The following MBNL1 variants were observed in gnomAD, a reference collection of about 807,000 sequenced individuals.
The protein encoded by MBNL1 is muscleblind like splicing regulator 1, also known as muscleblind-like protein 1.
In MBNL1, 8 loss-of-function variants were observed where a neutral mutation model predicts 42.2. The observed-to-expected ratio is 0.19, with a 90% CI of 0.11 to 0.34. The LOEUF (loss-of-function observed/expected upper bound fraction) is 0.34, where lower values mean the gene tolerates loss of function less well. Among genes scored for constraint, MBNL1 ranks in the 10% least tolerant of loss-of-function variants. The probability of loss-of-function intolerance (pLI) is 1.00; values close to 1 mark genes in which losing one functional copy is unlikely to be tolerated. For missense variants in MBNL1, 309 were observed against 495.3 expected (o/e 0.62, Z 3.57); for synonymous variants, 169 against 173.9 (o/e 0.97, Z 0.22).
chr3:152,406,542 T>G (rs1235693013), intron 2 of MBNL1, among the ~76,000 whole-genome samples: 2 of 152,202 alleles, frequency 1.3e-5, no homozygotes. Context: ...GCAGCTACTT[T>G]GACTCTCATG....
chr3:152,366,254 A>G (rs2096361033), intron 2 of MBNL1, among the ~76,000 whole-genome samples: 1 of 152,152 alleles, frequency 6.6e-6, no homozygotes, highest in African/African-American at 2.4e-5. Flanking sequence ...TTTAATTACC[A>G]TCAGAAGTGT....
intron 2 of MBNL1, among the ~76,000 whole-genome samples, chr3:152,307,678 A>G (rs1156765254): frequency 1.3e-5 from 2 of 152,216 alleles, no homozygotes; most frequent in African/African-American, 4.8e-5. Context: ...GGAGCCTCGT[A>G]ATCTGATTTC....
upstream of MBNL1, among the ~76,000 whole-genome samples, chr3:152,243,632 G>T (rs1201081535): frequency 6.6e-6 from 1 of 150,588 alleles, no homozygotes; most frequent in Non-Finnish European, 1.5e-5. Flanking sequence ...ATTAGCATTT[G>T]TGTCATACTT....
intron 2 of MBNL1, among the ~76,000 whole-genome samples, chr3:152,345,932 A>G (rs552429027): frequency 1.6e-3 from 236 of 152,248 alleles, no homozygotes; most frequent in African/African-American, 5.4e-3. Context: ...ACAGTGTTCA[A>G]TAGGCTGGAT....
chr3:152,426,461 G>T (rs1022345592), intron 3 of MBNL1, among the ~76,000 whole-genome samples: 3 of 152,078 alleles, frequency 2.0e-5, no homozygotes, highest in Non-Finnish European at 4.4e-5. Flanking sequence ...TGAAAAATTG[G>T]TACATAATTT....
At chr3:152,447,405 T>G (rs780309292) in intron 5 of MBNL1, among the ~76,000 whole-genome samples, 9 of 151,748 alleles carry the variant, frequency 5.9e-5, no homozygotes, top group Non-Finnish European at 8.8e-5. Flanking sequence ...GATTTTGTTT[T>G]GGACAAAAAT....
Position 152,456,358 on chromosome 3 carries a change from C to G in MBNL1, c.1089C>G (p.Asn363Lys). The G allele has an allele frequency of 6.2e-7, 1 of 1,613,612 alleles. No individual in the cohort carries two copies. The highest frequency in any genetic ancestry group is 8.5e-7 in the Non-Finnish European group (1 of 1,179,560). The change falls in exon 8 of 10, where the codon AAC (asparagine) becomes AAG (lysine). Residue 363 changes from asparagine to lysine, a missense_variant. By Grantham distance (94) the Asn-to-Lys change is moderately conservative. Transcript: ENST00000324210. Reference protein sequence around the residue: ...SVPFAATATANQIPIISAEHL... With the variant: ...SVPFAATATAKQIPIISAEHL... ...CCTTCGCTGCAACAGCCACAGCCAACCAGGTTTGCTAATTTACAGCTTTGT... is the reference window on the plus strand; with the variant it reads ...CCTTCGCTGCAACAGCCACAGCCAAGCAGGTTTGCTAATTTACAGCTTTGT...
intron 2 of MBNL1, among the ~76,000 whole-genome samples, chr3:152,327,152 A>C (rs2080902698): frequency 1.3e-5 from 2 of 151,944 alleles, no homozygotes; most frequent in African/African-American, 4.8e-5. Context: ...TTTGATTAAT[A>C]TGTTTTGATA....
chr3:152,385,112 T>C (rs908253135), intron 2 of MBNL1, among the ~76,000 whole-genome samples: 3 of 152,080 alleles, frequency 2.0e-5, no homozygotes, highest in Admixed American at 6.6e-5. Context: ...AGTTTTGAGA[T>C]GTGATTTGCA....
At chr3:152,397,047 A>T (rs950986227) in intron 2 of MBNL1, among the ~76,000 whole-genome samples, 4 of 152,186 alleles carry the variant, frequency 2.6e-5, no homozygotes, top group Non-Finnish European at 4.4e-5. Context: ...TACAAAGAGA[A>T]AATATAATAA....
intron 2 of MBNL1, among the ~76,000 whole-genome samples, chr3:152,307,261 T>A (rs1288177086): frequency 6.6e-6 from 1 of 152,200 alleles, no homozygotes; most frequent in African/African-American, 2.4e-5. Context: ...AGTGCTGGGA[T>A]TACAGGCGTG....
chr3:152,342,821 A>G (rs1424669457), intron 2 of MBNL1, among the ~76,000 whole-genome samples: 1 of 152,164 alleles, frequency 6.6e-6, no homozygotes, highest in Non-Finnish European at 1.5e-5. Flanking sequence ...ATATTAAACT[A>G]AAAACAGTAT....
chr3:152,388,297 A>T (rs1345063801), intron 2 of MBNL1, among the ~76,000 whole-genome samples: 1 of 152,170 alleles, frequency 6.6e-6, no homozygotes, highest in African/African-American at 2.4e-5. Flanking sequence ...GGTGAGGAGG[A>T]TGGAGTATTT....
At chr3:152,317,480 G>A (rs140372781) in intron 2 of MBNL1, among the ~76,000 whole-genome samples, 194 of 151,892 alleles carry the variant, frequency 1.3e-3, no homozygotes, top group African/African-American at 3.6e-3. Flanking sequence ...CCACCATGCC[G>A]GGCTAATTTT....
At position 152,334,035 on chromosome 3, in the gene MBNL1, C is replaced by T. The variant is rs866018311; in HGVS notation, c.174+33668C>T. ...GTTGTGAAAATTAAATGGGATAACA[C>T]GTATAAAGCACAGAGAACAGTGCTT... On this transcript the variant is annotated intron_variant, in intron 2 of 9. Coordinates refer to ENST00000324210, the MANE Select transcript of MBNL1 (RefSeq NM_021038.5). Among the ~76,000 whole-genome samples, 17 of 152,228 alleles carry T rather than the reference C, an allele frequency of 1.1e-4. No individual in the cohort carries two copies. In the Middle Eastern group the frequency reaches 0.014, roughly 122 times the overall value.
chr3:152,402,048 AG>A (rs1412351987), intron 2 of MBNL1, among the ~76,000 whole-genome samples: 3 of 147,636 alleles, frequency 2.0e-5, no homozygotes, highest in Non-Finnish European at 3.0e-5. Context: ...AAAAAAAAAA[AG>A]ATTTACTAGA....
chr3:152,366,352 A>G (rs554972236), intron 2 of MBNL1, among the ~76,000 whole-genome samples: 17 of 152,128 alleles, frequency 1.1e-4, no homozygotes, highest in Middle Eastern at 3.2e-3. Flanking sequence ...TGTAATTTTT[A>G]CCAGCTGATT....
At chr3:152,370,930 A>G (rs767825542) in intron 2 of MBNL1, among the ~76,000 whole-genome samples, 16 of 152,054 alleles carry the variant, frequency 1.1e-4, no homozygotes, top group Non-Finnish European at 2.1e-4. Context: ...CAGCACACCA[A>G]TGGATCTTGA....
chr3:152,307,242 G>C (rs1340759324), intron 2 of MBNL1, among the ~76,000 whole-genome samples: 3 of 152,176 alleles, frequency 2.0e-5, no homozygotes, highest in African/African-American at 7.2e-5. Flanking sequence ...GCCCGCCTTG[G>C]CCTTCCAAAG....
Sources: allele counts gnomAD v4.1 joint callset (sites outside exome capture counted in the v4.1 genomes callset), GRCh38; gene constraint gnomAD v4.1.1; transcripts MANE v1.5; gene names NCBI Gene and HGNC (gene_info 2026-07-23, HGNC 2026-07-21).